DCHS2: variants seen among roughly 807,000 people sequenced by gnomAD.
DCHS2 encodes dachsous cadherin-related 2, also known as protocadherin-23.
DCHS2 carries 142 observed loss-of-function variants against 182.4 expected under a neutral mutation model. The observed-to-expected ratio is 0.78, with a 90% CI of 0.68 to 0.89. DCHS2 has a LOEUF of 0.89. DCHS2 is among the 40% of genes least tolerant of loss of function. DCHS2 has a pLI of 0.00. For synonymous variants in DCHS2, 1,740 were observed against 1,663.3 expected, an observed-to-expected ratio of 1.05 and a Z score of -1.12; for missense variants, 4,319 against 4,198.6, an observed-to-expected ratio of 1.03 and a Z score of -0.79.
intron 1 of DCHS2, among the ~76,000 whole-genome samples, chr4:154,433,939 C>T (rs1399859478): frequency 6.6e-6 from 1 of 151,838 alleles, no homozygotes; most frequent in Non-Finnish European, 1.5e-5. Flanking sequence ...GAACCTTGAC[C>T]AATGCAGAAA....
intron 1 of DCHS2, among the ~76,000 whole-genome samples, chr4:154,415,641 T>C (rs1429907242): frequency 6.6e-6 from 1 of 152,208 alleles, no homozygotes; most frequent in African/African-American, 2.4e-5. Context: ...AGCCTGACCT[T>C]GGGTACTGGA....
chr4:154,288,657 G>C (rs1049102852), intron 13 of DCHS2, among the ~76,000 whole-genome samples: 16 of 152,070 alleles, frequency 1.1e-4, no homozygotes, highest in South Asian at 6.2e-4. Context: ...CTCAAGGACA[G>C]ACCATATGTT....
At chr4:154,483,730 C>T (rs925027551) in intron 1 of DCHS2, among the ~76,000 whole-genome samples, 1 of 152,154 alleles carries the variant, frequency 6.6e-6, no homozygotes, top group East Asian at 1.9e-4. Flanking sequence ...TGCCAACCAT[C>T]TCTCTGGGTT....
chr4:154,282,561 G>T (rs1156854327), intron 13 of DCHS2, among the ~76,000 whole-genome samples: 1 of 151,818 alleles, frequency 6.6e-6, no homozygotes, highest in Non-Finnish European at 1.5e-5. Context: ...TGGAACCTTT[G>T]TGCACTGTTG....
chr4:154,456,602 G>T (rs918151105), intron 1 of DCHS2, among the ~76,000 whole-genome samples: 16 of 152,152 alleles, frequency 1.1e-4, no homozygotes, highest in African/African-American at 3.6e-4. Context: ...GCAAAACAGA[G>T]GAAGTGAGGG....
Position 154,236,037 on chromosome 4 carries a change from C to A in DCHS2, c.8615G>T (p.Gly2872Val). ...GAAAATGGGCTCAAATTCATCTATC[C>A]CTTCAATATCCACCCAGACCACTAA... ...ASLVVWVDIE[G>V]IDEFEPIFTQ... The change falls in exon 20 of 20, where the codon GGG (glycine) becomes GTG (valine). Residue 2872 changes from glycine to valine, a missense_variant. Coordinates refer to ENST00000357232, the MANE Select transcript of DCHS2 (RefSeq NM_001358235.2). 1 of 1,613,860 alleles carries A rather than the reference C, an allele frequency of 6.2e-7. No individual in the cohort carries two copies. The highest frequency in any genetic ancestry group is 8.5e-7 in the Non-Finnish European group (1 of 1,179,940).
intron 1 of DCHS2, among the ~76,000 whole-genome samples, chr4:154,392,338 T>C (rs1451792105): frequency 6.6e-6 from 1 of 152,212 alleles, no homozygotes; most frequent in African/African-American, 2.4e-5. Context: ...CCAGAATTTA[T>C]GCACAGAGGT....
chr4:154,453,777 G>C (rs2110982033), intron 1 of DCHS2, among the ~76,000 whole-genome samples: 1 of 152,146 alleles, frequency 6.6e-6, no homozygotes, highest in South Asian at 2.1e-4. Flanking sequence ...CCCTCCCAAT[G>C]AATCTCTTGC....
At chr4:154,316,510 T>C (rs1310792563) in intron 9 of DCHS2, among the ~76,000 whole-genome samples, 3 of 152,160 alleles carry the variant, frequency 2.0e-5, no homozygotes, top group Non-Finnish European at 4.4e-5. Context: ...AGGCTGGGTG[T>C]GGCGGCTTAC....
chr4:154,328,062 T>C (rs1004711725), intron 7 of DCHS2, 31 bp downstream of exon 7: 1 of 1,489,292 alleles, frequency 6.7e-7, no homozygotes, highest in African/African-American at 1.4e-5. Context: ...ATCCTAAAAG[T>C]TCTTAATCCC....
chr4:154,374,751 G>A (rs887586965), intron 2 of DCHS2, among the ~76,000 whole-genome samples: 4 of 152,132 alleles, frequency 2.6e-5, no homozygotes, highest in East Asian at 1.9e-4. Flanking sequence ...TTAGACCAGA[G>A]AGGTGTTAGT....
chr4:154,333,300 T>C lies in DCHS2; in HGVS notation c.2908A>G (p.Met970Val), dbSNP rs759030614. 32 of 1,614,088 alleles carry C rather than the reference T, an allele frequency of 2.0e-5. No individual in the cohort carries two copies. The highest frequency in any genetic ancestry group is 2.5e-5 in the Non-Finnish European group (29 of 1,180,048). ...CSSTEVNITV[M>V]DVNDNHPAFL... ...GCTGGGTGGTTGTCATTGACATCCA[T>C]GACTGTTATGTTGACCTCGGTGCTG... The change falls in exon 5 of 20, where the codon ATG becomes GTG. Residue 970 changes from methionine (M) to valine (V), a missense_variant. Met to Val is a conservative substitution (Grantham distance 21). Coordinates refer to ENST00000357232, the MANE Select transcript of DCHS2 (RefSeq NM_001358235.2).
chr4:154,343,931 T>A (rs1408110824), intron 3 of DCHS2, among the ~76,000 whole-genome samples: 1 of 152,178 alleles, frequency 6.6e-6, no homozygotes, highest in East Asian at 1.9e-4. Context: ...AGCTTTTGAT[T>A]TAAAGAGAGA....
rs1278070685 is a variant in DCHS2, at chr4:154,490,114, G to C, written c.1242C>G (p.His414Gln). The C allele has an allele frequency of 2.6e-6, 4 of 1,548,546 alleles. No homozygotes were observed. Among genetic ancestry groups the C allele is most frequent in the Non-Finnish European group, 3.5e-6 (4 of 1,145,730 alleles). Reference sequence around the variant, plus strand: ...CGCCTCCCTCTGTGAGAAAGAGCACGTGAATTGCTGGCCGGTTGTCATTCA... The same window carrying C: ...CGCCTCCCTCTGTGAGAAAGAGCACCTGAATTGCTGGCCGGTTGTCATTCA... Reference protein sequence around the residue: ...LDVNDNRPAIHVLFLTEGGVA... With the variant: ...LDVNDNRPAIQVLFLTEGGVA... Residue 414 changes from histidine (H) to glutamine (Q), a missense_variant, in exon 1 of 20, where the codon CAC (histidine) becomes CAG (glutamine). Transcript: ENST00000357232.
intron 1 of DCHS2, among the ~76,000 whole-genome samples, chr4:154,485,800 T>A (rs1728560339): frequency 1.3e-5 from 2 of 152,176 alleles, no homozygotes; most frequent in Non-Finnish European, 2.9e-5. Context: ...AATGCTGGAG[T>A]TATACTTAGT....
In DCHS2 at chr4:154,300,120, G is replaced by A. The variant is rs564184006; in HGVS notation, c.5606-1412C>T. Among the ~76,000 whole-genome samples the A allele has an allele frequency of 5.3e-5, 8 of 152,250 alleles. No homozygotes were observed. The East Asian group carries it at 1.5e-3, about 29-fold the overall frequency. ...AGTTCTAGGAATATAAGAATTAACA[G>A]GCTGCAAATGTTTGGGTGTGACTAG... On this transcript the variant is annotated intron_variant, in intron 12 of 19. Transcript: ENST00000357232.
chr4:154,363,941 T>C (rs1013245082), intron 3 of DCHS2, among the ~76,000 whole-genome samples: 1 of 152,130 alleles, frequency 6.6e-6, no homozygotes, highest in Admixed American at 6.5e-5. Context: ...GCTTTTTCAT[T>C]CTCTTCTAAA....
At chr4:154,428,431 C>T (rs1455136897) in intron 1 of DCHS2, among the ~76,000 whole-genome samples, 2 of 151,826 alleles carry the variant, frequency 1.3e-5, no homozygotes, top group Non-Finnish European at 2.9e-5. Flanking sequence ...TTCATCTACT[C>T]AGGAGGCAGA....
intron 16 of DCHS2, among the ~76,000 whole-genome samples, chr4:154,244,997 A>T (rs1732007136): frequency 6.6e-6 from 1 of 152,136 alleles, no homozygotes; most frequent in Non-Finnish European, 1.5e-5. Flanking sequence ...AATTACCATT[A>T]TTTTCACAAT....
Sources: gnomAD v4.1 joint callset for allele counts (sites outside exome capture counted in the v4.1 genomes callset) on GRCh38, gnomAD v4.1.1 for gene constraint, MANE v1.5 for transcripts, NCBI Gene and HGNC (gene_info 2026-07-23, HGNC 2026-07-21) for gene names.